The following NOX4 variants were observed in gnomAD, a reference collection of about 807,000 sequenced individuals.
NOX4 encodes the protein kidney oxidase-1.
In NOX4, 69 loss-of-function variants were observed where a neutral mutation model predicts 87.6. The ratio of observed to expected loss-of-function variants is 0.79; its 90% CI spans 0.65 to 0.96. The LOEUF (loss-of-function observed/expected upper bound fraction) is 0.96. NOX4 is among the 40% of genes least tolerant of loss of function. NOX4 has a pLI of 0.00. For synonymous variants in NOX4, 275 were observed against 238.2 expected, an observed-to-expected ratio of 1.15 and a Z score of -1.42; for missense variants, 680 against 681.5, an observed-to-expected ratio of 1.00 and a Z score of 0.02.
At chr11:89,429,122 C>T (rs1007760065) in intron 7 of NOX4, among the ~76,000 whole-genome samples, 1 of 152,152 alleles carries the variant, frequency 6.6e-6, no homozygotes, top group Non-Finnish European at 1.5e-5. Flanking sequence ...GGGTACATAA[C>T]AAAATGAAGG....
the NOX4 span, among the ~76,000 whole-genome samples, chr11:89,525,258 T>C: frequency 1.3e-5 from 2 of 152,076 alleles, no homozygotes; most frequent in African/African-American, 2.4e-5. Context: ...AGCTTGATCA[T>C]ATTGTAGATG....
At chr11:89,572,501 T>A in the NOX4 span, among the ~76,000 whole-genome samples, 1 of 152,138 alleles carries the variant, frequency 6.6e-6, no homozygotes, top group Non-Finnish European at 1.5e-5. Context: ...ATAAAAATGA[T>A]GTGCATTCTG....
At chr11:89,557,378 C>T in the NOX4 span, among the ~76,000 whole-genome samples, 136 of 152,212 alleles carry the variant, frequency 8.9e-4, 1 homozygote, top group Admixed American at 8.5e-3. Context: ...GTTTTTCCTC[C>T]GGGAAAGGAG....
chr11:89,421,927 T>C lies in NOX4; in HGVS notation c.604A>G (p.Met202Val). Residue 202 changes from methionine to valine, a missense_variant, in exon 8 of 18, where the codon ATG becomes GTG. By Grantham distance (21) the Met-to-Val change is conservative. Coordinates refer to ENST00000263317, the MANE Select transcript of NOX4 (RefSeq NM_016931.5). ...CCTGAAACATGCAACGTCAGCAGCA[T>C]GTAGAAGACAAAGAAGAGGTTATGA... is the stretch of plus-strand genomic sequence containing the variant. ...YTHNLFFVFY[M>V]LLTLHVSGGL... 5 of 1,573,544 alleles carry C rather than the reference T, an allele frequency of 3.2e-6. No individual in the cohort carries two copies. The highest frequency in any genetic ancestry group is 1.2e-5 in the South Asian group (1 of 84,452).
At chr11:89,516,040 T>C in the NOX4 span, among the ~76,000 whole-genome samples, 3 of 152,082 alleles carry the variant, frequency 2.0e-5, no homozygotes. Context: ...ACAGTGATAT[T>C]TCTTATGTAT....
intron 6 of NOX4, among the ~76,000 whole-genome samples, chr11:89,439,375 C>T (rs1009799167): frequency 2.0e-5 from 3 of 151,924 alleles, no homozygotes; most frequent in African/African-American, 2.4e-5. Context: ...AAATTGTGTT[C>T]CTAAAGAGAA....
the NOX4 span, among the ~76,000 whole-genome samples, chr11:89,536,664 T>C: frequency 6.6e-6 from 1 of 152,226 alleles, no homozygotes; most frequent in East Asian, 1.9e-4. Context: ...CTATTATTAC[T>C]ACTTCTTCTT....
rs139980690 is a variant in NOX4 at position 89,340,807 on chromosome 11, A to G, written c.1338-636T>C. ...CCTTTTTCATAACATTAGGTGTCCA[A>G]ATAACTTGTAATGTGTTGTCAGAAA... On this transcript the variant is annotated intron_variant, in intron 14 of 17. Coordinates refer to ENST00000263317, the MANE Select transcript of NOX4 (RefSeq NM_016931.5). Among the ~76,000 whole-genome samples the G allele has an allele frequency of 1.1e-3, 161 of 152,296 alleles. No homozygotes were observed. The East Asian group carries it at 0.027, about 26-fold the overall frequency.
At chr11:89,509,941 G>A in the NOX4 span, among the ~76,000 whole-genome samples, 4 of 152,020 alleles carry the variant, frequency 2.6e-5, no homozygotes, top group Non-Finnish European at 5.9e-5. Flanking sequence ...ACAAAGAAAT[G>A]ACCGGGTAAT....
chr11:89,568,057 C>T, the NOX4 span, among the ~76,000 whole-genome samples: 1 of 152,172 alleles, frequency 6.6e-6, no homozygotes, highest in Non-Finnish European at 1.5e-5. Flanking sequence ...AGCTGCTTAA[C>T]CTCACGGGGA....
intron 16 of NOX4, 138 bp downstream of exon 16, chr11:89,337,309 C>G: frequency 2.3e-6 from 3 of 1,330,400 alleles, no homozygotes; most frequent in Non-Finnish European, 3.1e-6. Context: ...TATGACTTTC[C>G]TGGACATATT....
chr11:89,545,386 A>C, the NOX4 span: 1 of 152,146 alleles, frequency 6.6e-6, no homozygotes, highest in Non-Finnish European at 1.5e-5. Flanking sequence ...TTTCTCGGCC[A>C]TGACTCCTAA....
upstream of NOX4, chr11:89,491,585 C>G (rs961237203): frequency 3.1e-6 from 1 of 318,078 alleles, no homozygotes; most frequent in Non-Finnish European, 5.7e-6. Context: ...GTTGTTGTGG[C>G]TGCTGCTGTT....
chr11:89,506,132 A>T, the NOX4 span, among the ~76,000 whole-genome samples: 1 of 151,800 alleles, frequency 6.6e-6, no homozygotes, highest in Non-Finnish European at 1.5e-5. Flanking sequence ...GATTTGTGAC[A>T]ATGTTTAATG....
At chr11:89,393,447 A>T (rs1941263341) in intron 11 of NOX4, among the ~76,000 whole-genome samples, 1 of 152,124 alleles carries the variant, frequency 6.6e-6, no homozygotes, top group East Asian at 1.9e-4. Flanking sequence ...GGAAAAAAAA[A>T]ATCAAATCTT....
chr11:89,561,050 CATATATATATATATAT>C, the NOX4 span, among the ~76,000 whole-genome samples: 59 of 28,550 alleles, frequency 2.1e-3, 3 homozygotes, highest in East Asian at 0.01. Flanking sequence ...ATATATCATA[CATATATATATATATAT>C]ATATATATAT....
chr11:89,546,041 CT>C, the NOX4 span, among the ~76,000 whole-genome samples: 3 of 152,154 alleles, frequency 2.0e-5, no homozygotes, highest in Non-Finnish European at 2.9e-5. Flanking sequence ...AAAAATTTCT[CT>C]GCATTTTAAG....
chr11:89,363,090 C>A (rs562920069), intron 12 of NOX4, among the ~76,000 whole-genome samples: 1 of 151,932 alleles, frequency 6.6e-6, no homozygotes, highest in South Asian at 2.1e-4. Context: ...AAGATACAAA[C>A]GCTACAAGTA....
chr11:89,420,668 A>C (rs1473409265), intron 8 of NOX4, among the ~76,000 whole-genome samples: 3 of 152,174 alleles, frequency 2.0e-5, no homozygotes, highest in Non-Finnish European at 4.4e-5. Context: ...GATCAATGTA[A>C]ATGACCCACT....
Sources: gnomAD v4.1 joint callset for allele counts (sites outside exome capture counted in the v4.1 genomes callset) on GRCh38, gnomAD v4.1.1 for gene constraint, MANE v1.5 for transcripts, NCBI Gene and HGNC (gene_info 2026-07-23, HGNC 2026-07-21) for gene names.